BAZ2B: variants seen among roughly 807,000 people sequenced by gnomAD.
BAZ2B encodes bromodomain adjacent to zinc finger domain protein 2B.
In BAZ2B, 91 loss-of-function variants were observed where a neutral mutation model predicts 246.0. The observed-to-expected ratio is 0.37, with a 90% CI of 0.31 to 0.44. The LOEUF (loss-of-function observed/expected upper bound fraction) is 0.44. Ranked by LOEUF, BAZ2B falls within the 20% of genes least tolerant of loss-of-function variation. The pLI, the probability that BAZ2B is intolerant of heterozygous loss-of-function variation, is 1.00. For synonymous variants in BAZ2B, 855 were observed against 860.0 expected, an observed-to-expected ratio of 0.99 and a Z score of 0.10; for missense variants, 2,332 against 2,533.7, an observed-to-expected ratio of 0.92 and a Z score of 1.71.
At chr2:159,543,540 T>C (rs1329073816) in intron 2 of BAZ2B, among the ~76,000 whole-genome samples, 1 of 149,600 alleles carries the variant, frequency 6.7e-6, no homozygotes, top group Non-Finnish European at 1.5e-5. Context: ...CAATTCTTTT[T>C]TTTTTTTTTT....
At position 159,421,106 on chromosome 2, in the gene BAZ2B, T is replaced by C. The variant is rs111710974; in HGVS notation, c.2466+6835A>G. 2.6e-3 allele frequency among the ~76,000 whole-genome samples: 399 copies of C among 152,230 alleles called. 3 individuals are homozygous for C. The highest frequency in any genetic ancestry group is 9.0e-3 in the African/African-American group (372 of 41,542). On this transcript the variant is annotated intron_variant, in intron 13 of 36. Transcript: ENST00000392783. The stretch of plus-strand genomic sequence containing the variant: ...TGCTACAAATTCCTCACTACATCTG[T>C]GGACCAAAATAAATAAAACTGATAA...
chr2:159,370,574 A>T (rs1177602015), intron 27 of BAZ2B, among the ~76,000 whole-genome samples: 1 of 151,476 alleles, frequency 6.6e-6, no homozygotes, highest in East Asian at 2.0e-4. Flanking sequence ...GGGTTTCACC[A>T]CGTTAACCAG....
the BAZ2B span, among the ~76,000 whole-genome samples, chr2:159,643,315 G>A: frequency 3.3e-5 from 5 of 152,060 alleles, no homozygotes; most frequent in Non-Finnish European, 7.4e-5. Flanking sequence ...TGGCTTATAC[G>A]CAGCCACCAT....
chr2:159,413,722 A>G (rs1381257568), intron 13 of BAZ2B, among the ~76,000 whole-genome samples: 1 of 152,108 alleles, frequency 6.6e-6, no homozygotes, highest in Non-Finnish European at 1.5e-5. Context: ...ATAAATAAAT[A>G]AATAAATAGA....
intron 34 of BAZ2B, among the ~76,000 whole-genome samples, chr2:159,330,352 A>G (rs1014607319): frequency 6.6e-6 from 1 of 152,224 alleles, no homozygotes; most frequent in Non-Finnish European, 1.5e-5. Flanking sequence ...TTTGAGAAGA[A>G]GCAAAGACTG....
chr2:159,654,200 G>A, the BAZ2B span, among the ~76,000 whole-genome samples: 5 of 152,114 alleles, frequency 3.3e-5, no homozygotes, highest in Non-Finnish European at 5.9e-5. Flanking sequence ...CCAACTGCAC[G>A]GAGTAATATT....
intron 20 of BAZ2B, 44 bp downstream of exon 20, chr2:159,395,725 G>A: frequency 6.7e-7 from 1 of 1,482,530 alleles, no homozygotes; most frequent in Non-Finnish European, 9.2e-7. Context: ...TTAGGAAAAA[G>A]CATTACTTTA....
At chr2:159,363,217 C>T (rs1167429526) in intron 27 of BAZ2B, among the ~76,000 whole-genome samples, 1 of 152,098 alleles carries the variant, frequency 6.6e-6, no homozygotes, top group Admixed American at 6.5e-5. Flanking sequence ...AAACTGGATG[C>T]TTGGTAGCAT....
chr2:159,368,786 G>A (rs2060494763), intron 27 of BAZ2B, among the ~76,000 whole-genome samples: 1 of 150,042 alleles, frequency 6.7e-6, no homozygotes, highest in South Asian at 2.1e-4. Context: ...TGTCCAGAGA[G>A]GTTATGTAGA....
At chr2:159,639,203 C>T in the BAZ2B span, among the ~76,000 whole-genome samples, 1 of 152,096 alleles carries the variant, frequency 6.6e-6, no homozygotes, top group Non-Finnish European at 1.5e-5. Context: ...TTCTTCAAAT[C>T]AGGAAGGACA....
intron 21 of BAZ2B, among the ~76,000 whole-genome samples, chr2:159,388,141 AT>A (rs1191863326): frequency 6.6e-6 from 1 of 151,884 alleles, no homozygotes; most frequent in Admixed American, 6.6e-5. Context: ...ATAAAATAAA[AT>A]AAAAAAAGAG....
At position 159,355,175 on chromosome 2, in the gene BAZ2B, T is replaced by C. The variant is rs532097810; in HGVS notation, c.4214-4818A>G. ...AAAGAAAAAGCAAGAAATGTAAATATAGAGTACAGGTTGAAGAGAGGTTCA... is the reference window on the plus strand; with the variant it reads ...AAAGAAAAAGCAAGAAATGTAAATACAGAGTACAGGTTGAAGAGAGGTTCA... On this transcript the variant is annotated intron_variant, in intron 27 of 36. Transcript: ENST00000392783. 7.9e-5 allele frequency among the ~76,000 whole-genome samples: 12 copies of C among 152,304 alleles called. No homozygotes were observed. In the South Asian group the frequency reaches 2.3e-3, roughly 29 times the overall value.
chr2:159,540,821 A>G (rs1216148056), intron 2 of BAZ2B, among the ~76,000 whole-genome samples: 2 of 152,174 alleles, frequency 1.3e-5, no homozygotes, highest in African/African-American at 4.8e-5. Flanking sequence ...AAGTAGAAGA[A>G]ATCATAAGAA....
chr2:159,348,628 T>G lies in BAZ2B; in HGVS notation c.5293+50A>C, dbSNP rs368713351. The G allele has an allele frequency of 3.4e-5, 53 of 1,538,514 alleles. No homozygotes were observed. The African/African-American group carries it at 6.6e-4, about 19-fold the overall frequency. On this transcript the variant is annotated intron_variant, in intron 30 of 36. Transcript: ENST00000392783. ...CTAAAATATGGTTTAGAATAATTAA[T>G]TCTCATAACTAAGCAAGAAAGAAAG...
chr2:159,549,047 G>A (rs1366080592), intron 2 of BAZ2B, among the ~76,000 whole-genome samples: 6 of 152,096 alleles, frequency 3.9e-5, no homozygotes, highest in Admixed American at 2.6e-4. Context: ...ATGGGAGGCC[G>A]AGGCAGGCAG....
In BAZ2B at chr2:159,374,830, C is replaced by T. The variant is rs1048901080; in HGVS notation, c.4006-77G>A. ...CAATCAGTAAATATTTAATGAAAGT[C>T]TCCTATAGGCACTGCGGAAAGGTAT... On this transcript the variant is annotated intron_variant, in intron 25 of 36. Transcript: ENST00000392783. 4 of 1,289,386 alleles carry T rather than the reference C, an allele frequency of 3.1e-6. No individual in the cohort carries two copies. In the African/African-American group the frequency reaches 4.4e-5, roughly 14 times the overall value. The allele number at this position is 1,289,386 out of a possible 1,614,324, so 79.9% of individuals were successfully genotyped here.
chr2:159,380,017 C>CAA (rs1170655078), intron 25 of BAZ2B, among the ~76,000 whole-genome samples: 1 of 152,068 alleles, frequency 6.6e-6, no homozygotes, highest in African/African-American at 2.4e-5. Flanking sequence ...CATACACACA[C>CAA]ACACACACAT....
chr2:159,339,149 G>A (rs1343884455), intron 31 of BAZ2B, among the ~76,000 whole-genome samples: 1 of 152,008 alleles, frequency 6.6e-6, no homozygotes, highest in African/African-American at 2.4e-5. Flanking sequence ...AGAAAGGAAG[G>A]ATGGACTCTA....
the BAZ2B span, among the ~76,000 whole-genome samples, chr2:159,656,186 A>G: frequency 6.6e-6 from 1 of 152,166 alleles, no homozygotes; most frequent in African/African-American, 2.4e-5. Flanking sequence ...TTAAAAATTA[A>G]TATACTTTTT....
Sources: allele counts gnomAD v4.1 joint callset (sites outside exome capture counted in the v4.1 genomes callset), GRCh38; gene constraint gnomAD v4.1.1; transcripts MANE v1.5; gene names NCBI Gene and HGNC (gene_info 2026-07-23, HGNC 2026-07-21).